EIF4B: variants seen among roughly 807,000 people sequenced by gnomAD.
EIF4B encodes the protein eukaryotic translation initiation factor 4B.
In EIF4B, 8 loss-of-function variants were observed where a neutral mutation model predicts 79.3. The ratio of observed to expected loss-of-function variants is 0.10; its 90% confidence interval spans 0.06 to 0.18. The LOEUF is 0.18. EIF4B is among the 10% of genes least tolerant of loss of function. The pLI is 1.00. For missense variants in EIF4B, 515 were observed against 792.4 expected (o/e 0.65, Z 4.20); for synonymous variants, 238 against 274.7 (o/e 0.87, Z 1.32).
chr12:53,019,778 T>G, intron 3 of EIF4B, 132 bp from the exon 4 acceptor site: 1 of 751,044 alleles, frequency 1.3e-6, no homozygotes, highest in South Asian at 1.7e-5. Flanking sequence ...TCAGTTTTCC[T>G]CCTGAGACAA....
At chr12:53,020,610 T>C (rs866511622) in intron 4 of EIF4B, among the ~76,000 whole-genome samples, 2 of 152,286 alleles carry the variant, frequency 1.3e-5, no homozygotes, top group Middle Eastern at 3.4e-3. Context: ...TTTTCCTCCT[T>C]TAACTCCAAA....
intron 6 of EIF4B, 101 bp downstream of exon 6, chr12:53,022,728 A>G: frequency 8.7e-6 from 12 of 1,386,068 alleles, no homozygotes; most frequent in South Asian, 1.9e-5. Flanking sequence ...TAACAGATAG[A>G]AGGAGGAAAG....
chr12:53,027,136 A>ATTTTTTCTTTTTTTTTTTT (rs777111413), intron 6 of EIF4B, among the ~76,000 whole-genome samples: 1 of 29,444 alleles, frequency 3.4e-5, no homozygotes, highest in Non-Finnish European at 1.2e-4. Flanking sequence ...AAAAAAAAAA[A>ATTTTTTCTTTTTTTTTTTT]ATTTTTTTTT....
At chr12:53,008,353 A>G (rs763724134) in intron 1 of EIF4B, among the ~76,000 whole-genome samples, 2 of 152,018 alleles carry the variant, frequency 1.3e-5, no homozygotes, top group Non-Finnish European at 2.9e-5. Context: ...CCTTTAATTC[A>G]CTTCAGTAAA....
chr12:53,023,218 T>C (rs1411036189), intron 6 of EIF4B, among the ~76,000 whole-genome samples: 1 of 152,174 alleles, frequency 6.6e-6, no homozygotes, highest in Non-Finnish European at 1.5e-5. Flanking sequence ...CAAAGATCAG[T>C]TGCATTACTT....
At chr12:53,027,013 G>T (rs1191125272) in intron 6 of EIF4B, among the ~76,000 whole-genome samples, 4 of 151,838 alleles carry the variant, frequency 2.6e-5, no homozygotes, top group Non-Finnish European at 5.9e-5. Flanking sequence ...TTTGAGGCTG[G>T]GTGTTACGGC....
intron 1 of EIF4B, among the ~76,000 whole-genome samples, chr12:53,012,761 A>G (rs1301626806): frequency 1.3e-5 from 2 of 151,722 alleles, no homozygotes; most frequent in Non-Finnish European, 2.9e-5. Flanking sequence ...GCCCGCCACC[A>G]TGCCCGGCTA....
chr12:53,012,754 C>T (rs961970753), intron 1 of EIF4B, among the ~76,000 whole-genome samples: 14 of 151,826 alleles, frequency 9.2e-5, no homozygotes, highest in Middle Eastern at 3.4e-3. Context: ...CACAGGTGCC[C>T]GCCACCATGC....
chr12:53,020,448 T>A (rs1015137127), intron 4 of EIF4B, among the ~76,000 whole-genome samples: 4 of 152,224 alleles, frequency 2.6e-5, no homozygotes, highest in African/African-American at 9.6e-5. Context: ...GTATATTTGT[T>A]CATTTAAGAG....
At chr12:53,036,725 C>T (rs12582526) in intron 10 of EIF4B, among the ~76,000 whole-genome samples, 23,364 of 151,964 alleles carry the variant, frequency 0.15, 2,187 homozygotes, top group Middle Eastern at 0.23. Context: ...AAAAAACGCA[C>T]GTGTAGGTTG....
intron 1 of EIF4B, chr12:53,014,494 T>G (rs529269011): frequency 1.8e-4 from 27 of 152,082 alleles, no homozygotes; most frequent in African/African-American, 6.0e-4. Flanking sequence ...TGGATTAATA[T>G]TAAGTCACTT....
intron 8 of EIF4B, among the ~76,000 whole-genome samples, chr12:53,032,439 TAAAG>T (rs946025607): frequency 2.0e-5 from 3 of 152,012 alleles, no homozygotes; most frequent in East Asian, 3.9e-4. Flanking sequence ...TCAAAAAAAA[TAAAG>T]AACTAGAATC....
chr12:53,031,815 G>T (rs1177048446), intron 8 of EIF4B, among the ~76,000 whole-genome samples: 3 of 152,192 alleles, frequency 2.0e-5, no homozygotes, highest in African/African-American at 7.2e-5. Flanking sequence ...TCACCATCTA[G>T]TGGTTATTTA....
chr12:53,011,514 G>T (rs940975839), intron 1 of EIF4B, among the ~76,000 whole-genome samples: 3 of 152,212 alleles, frequency 2.0e-5, no homozygotes, highest in African/African-American at 2.4e-5. Context: ...TTGGTTGTCA[G>T]AGTGGAATGG....
intron 1 of EIF4B, chr12:53,013,858 ATTC>A (rs1453790448): frequency 1.1e-4 from 16 of 152,084 alleles, no homozygotes; most frequent in African/African-American, 3.9e-4. Flanking sequence ...CTGTAACCGT[ATTC>A]TTTGAAAGCT....
At position 53,040,662 on chromosome 12, in the gene EIF4B, T is replaced by C. The variant is rs1466782468; in HGVS notation, c.*439T>C. ...TGTGGCATATATGAATTCTCAAACA[T>C]TATCTGAATAAATTTTCCACTCTTG... On this transcript the variant is annotated 3_prime_UTR_variant, in exon 15 of 15. Coordinates refer to ENST00000262056, the MANE Select transcript of EIF4B (RefSeq NM_001417.7). The C allele has an allele frequency of 6.5e-6, 1 of 153,132 alleles. No individual in the cohort carries two copies. The highest frequency in any genetic ancestry group is 1.5e-5 in the Non-Finnish European group (1 of 68,704). 9.5% of individuals were successfully genotyped at this position (153,132 alleles called of 1,614,324 possible).
intron 2 of EIF4B, among the ~76,000 whole-genome samples, chr12:53,017,367 C>G (rs1182097275): frequency 6.6e-6 from 1 of 151,564 alleles, no homozygotes; most frequent in Non-Finnish European, 1.5e-5. Context: ...CTTGGGTAAA[C>G]GAAAATGGTC....
chr12:53,026,099 C>CA lies in EIF4B; in HGVS notation c.668-1673dup, dbSNP rs1187629551. Among the ~76,000 whole-genome samples, 153 of 142,874 alleles carry CA rather than the reference C, an allele frequency of 1.1e-3. No individual in the cohort carries two copies. The East Asian group carries it at 0.013, about 12-fold the overall frequency. The allele number at this position is 142,874 out of a possible 152,430, so 93.7% of individuals were successfully genotyped here. On this transcript the variant is annotated intron_variant, in intron 6 of 14. Transcript: ENST00000262056. ...TGGGCGACAGAGTGAGACTCCGTCTCAAAAAAAAAAGAGAAAGAAAAAGAT... is the reference window on the plus strand; with the variant it reads ...TGGGCGACAGAGTGAGACTCCGTCTCAAAAAAAAAAAGAGAAAGAAAAAGAT...
chr12:53,027,575 A>G (rs1222069952), intron 6 of EIF4B, among the ~76,000 whole-genome samples: 1 of 152,124 alleles, frequency 6.6e-6, no homozygotes, highest in Admixed American at 6.5e-5. Context: ...GAAATTCATT[A>G]TGGAATATTT....
Sources: gnomAD v4.1 joint callset for allele counts (sites outside exome capture counted in the v4.1 genomes callset) on GRCh38, gnomAD v4.1.1 for gene constraint, MANE v1.5 for transcripts, NCBI Gene and HGNC (gene_info 2026-07-23, HGNC 2026-07-21) for gene names.